The following SPTB variants were observed in gnomAD, a reference collection of about 807,000 sequenced individuals.
SPTB encodes the protein spectrin beta chain, erythrocytic.
Under a neutral mutation model 256.2 loss-of-function variants are expected in SPTB, and 45 were observed. That is an observed-to-expected ratio of 0.18 (90% CI 0.14 to 0.23). The LOEUF is 0.23. Among genes scored for constraint, SPTB ranks in the 10% least tolerant of loss-of-function variants. The pLI is 1.00. For missense variants in SPTB, 2,715 were observed against 3,040.4 expected, an observed-to-expected ratio of 0.89 and a Z score of 2.52; for synonymous variants, 1,231 against 1,243.1, an observed-to-expected ratio of 0.99 and a Z score of 0.21.
chr14:64,848,085 C>T (rs1174490902), intron 1 of SPTB, among the ~76,000 whole-genome samples: 1 of 152,178 alleles, frequency 6.6e-6, no homozygotes, highest in Non-Finnish European at 1.5e-5. Flanking sequence ...ACCATCTTCA[C>T]ATTTAGAAGT....
At chr14:64,765,424 C>G (rs1824767357) in intron 32 of SPTB, among the ~76,000 whole-genome samples, 1 of 152,114 alleles carries the variant, frequency 6.6e-6, no homozygotes. Context: ...TGCACAGACC[C>G]CATGGAGTCC....
chr14:64,811,925 C>CAA (rs2083097139), intron 2 of SPTB, among the ~76,000 whole-genome samples: 1 of 152,116 alleles, frequency 6.6e-6, no homozygotes, highest in Admixed American at 6.5e-5. Context: ...TGGCAAGACC[C>CAA]ATCAGAATTA....
In SPTB at chr14:64,753,605, A is replaced by G. The variant is rs768060224; in HGVS notation, c.6534T>C (p.Ser2178=). 3 of 1,613,162 alleles carry G rather than the reference A, an allele frequency of 1.9e-6. No individual in the cohort carries two copies. The highest frequency in any genetic ancestry group is 2.5e-6 in the Non-Finnish European group (3 of 1,179,902). The part of the protein sequence containing the change: ...TLPAPRDHGQ[S]VQMEGYLGRK... ...GGCCCAGGTAGCCTTCCATCTGCAC[A>G]CTCTGCCCATGGTCCCGCGGGGCCG... Residue 2178 remains serine, a synonymous_variant, in exon 33 of 36, where the codon AGT becomes AGC. Coordinates refer to ENST00000644917, the MANE Select transcript of SPTB (RefSeq NM_001355436.2).
chr14:64,870,723 G>A (rs1049822378), intron 1 of SPTB, among the ~76,000 whole-genome samples: 4 of 152,200 alleles, frequency 2.6e-5, no homozygotes, highest in Admixed American at 6.5e-5. Context: ...TTGCATGGAC[G>A]GGTTCCTTAA....
In SPTB at chr14:64,772,652, G is replaced by A. The variant is rs752281367; in HGVS notation, c.5481C>T (p.Asp1827=). The change falls in exon 26 of 36, where the codon GAC becomes GAT. Residue 1827 remains aspartate, a synonymous_variant. Transcript: ENST00000644917. The surrounding 1 kb of genome is among the most constrained non-coding windows in gnomAD (Gnocchi z 5.4). ...HRELPEDVGL[D]ASTAESFHRV... Reference sequence around the variant, plus strand: ...GGTGGAAGGACTCGGCCGTGCTGGCGTCCAGCCCCACGTCCTCGGGCAGCT... The same window carrying A: ...GGTGGAAGGACTCGGCCGTGCTGGCATCCAGCCCCACGTCCTCGGGCAGCT... The A allele has an allele frequency of 9.9e-6, 16 of 1,613,180 alleles. No homozygotes were observed. The highest frequency in any genetic ancestry group is 1.6e-4 in the Middle Eastern group (1 of 6,080).
intron 2 of SPTB, among the ~76,000 whole-genome samples, chr14:64,809,262 C>CAAAAAA (rs57245539): frequency 1.6e-4 from 15 of 91,058 alleles, no homozygotes; most frequent in African/African-American, 5.3e-4. Context: ...AACTTTGTAT[C>CAAAAAA]AAAAAAAAAA....
In SPTB at chr14:64,824,311, G is replaced by T. The variant is rs1191672864; in HGVS notation, c.-51-1166C>A. Among the ~76,000 whole-genome samples, 1 of 152,142 alleles carries T rather than the reference G, an allele frequency of 6.6e-6. No homozygotes were observed. Among genetic ancestry groups the T allele is most frequent in the African/African-American group, 2.4e-5 (1 of 41,428 alleles). On this transcript the variant is annotated intron_variant, in intron 1 of 35. Transcript: ENST00000644917. The surrounding 1 kb of genome is among the most constrained non-coding windows in gnomAD (Gnocchi z 5.7). Reference sequence around the variant, plus strand: ...AGAGTCCAAGCAAAGGGAATAAAGAGTAGGTGTAAAGTCCTGAAGGTAAGA... The same window carrying T: ...AGAGTCCAAGCAAAGGGAATAAAGATTAGGTGTAAAGTCCTGAAGGTAAGA...
chr14:64,747,203 G>C lies in SPTB; in HGVS notation c.*2103C>G, dbSNP rs2081859812. The C allele has an allele frequency of 6.6e-6, 1 of 152,490 alleles. No homozygotes were observed. Among genetic ancestry groups the C allele is most frequent in the South Asian group, 2.1e-4 (1 of 4,836 alleles). The allele number at this position is 152,490 out of a possible 1,614,324, so 9.4% of individuals were successfully genotyped here. ...GGTGCTGATTTGGCACACGTGGAAG[G>C]GGGAGGGTGGGCCCTTGTCCCTAGG... On this transcript the variant is annotated 3_prime_UTR_variant, in exon 36 of 36. Transcript: ENST00000644917.
Position 64,772,624 on chromosome 14 carries a change from C to T in SPTB, c.5509G>A (p.Val1837Met), listed in dbSNP as rs1327485592. 2.5e-6 allele frequency: 4 copies of T among 1,612,342 alleles called. No individual in the cohort carries two copies. In the African/African-American group the frequency reaches 5.3e-5, roughly 22 times the overall value. The change falls in exon 26 of 36, where the codon GTG (valine) becomes ATG (methionine). Residue 1837 changes from valine (V) to methionine (M), a missense_variant. Physicochemically the swap from Val to Met is conservative, Grantham distance 21. Coordinates refer to ENST00000644917, the MANE Select transcript of SPTB (RefSeq NM_001355436.2). The surrounding 1 kb of genome is among the most constrained non-coding windows in gnomAD (Gnocchi z 5.4). ...DASTAESFHR[V>M]HTAFERELHL... is the part of the protein sequence containing the mutation. Reference sequence around the variant, plus strand: ...AGCTCCCGCTCGAAGGCTGTGTGCACCCGGTGGAAGGACTCGGCCGTGCTG... The same window carrying T: ...AGCTCCCGCTCGAAGGCTGTGTGCATCCGGTGGAAGGACTCGGCCGTGCTG...
At chr14:64,765,173 A>G (rs1004636173) in intron 32 of SPTB, among the ~76,000 whole-genome samples, 1 of 151,984 alleles carries the variant, frequency 6.6e-6, no homozygotes, top group Admixed American at 6.5e-5. Context: ...TGTACCAGAA[A>G]CTTCCATGTG....
At position 64,790,351 on chromosome 14, in the gene SPTB, G is replaced by A. The variant is rs2082648971; in HGVS notation, c.2804+1368C>T. Among the ~76,000 whole-genome samples the A allele has an allele frequency of 6.6e-6, 1 of 152,144 alleles. No homozygotes were observed. The highest frequency in any genetic ancestry group is 1.5e-5 in the Non-Finnish European group (1 of 68,032). On this transcript the variant is annotated intron_variant, in intron 15 of 35. Transcript: ENST00000644917. This position sits in a 1 kb window ranked among gnomAD's most constrained non-coding sequence, Gnocchi z 4.8. ...TGAGCTGATGAGTTCTTCCTCTCAGGAAGTTTCTCTGGTTTAGACCTGCTC... is the reference window on the plus strand; with the variant it reads ...TGAGCTGATGAGTTCTTCCTCTCAGAAAGTTTCTCTGGTTTAGACCTGCTC...
At chr14:64,769,804 C>A in intron 27 of SPTB, 76 bp from the exon 28 acceptor site, 1 of 1,591,702 alleles carries the variant, frequency 6.3e-7, no homozygotes, top group East Asian at 2.2e-5. Context: ...ACCAGAGGGG[C>A]CCACCTCCCC....
At chr14:64,876,056 C>T (rs1011171712) in intron 1 of SPTB, among the ~76,000 whole-genome samples, 1 of 152,142 alleles carries the variant, frequency 6.6e-6, no homozygotes, top group Non-Finnish European at 1.5e-5. Context: ...TCTCTAACTC[C>T]CTGGCTCAAG....
chr14:64,815,925 T>C (rs977376499), intron 2 of SPTB, among the ~76,000 whole-genome samples: 4 of 152,138 alleles, frequency 2.6e-5, no homozygotes, highest in Non-Finnish European at 5.9e-5. Flanking sequence ...CCCCTAACGA[T>C]AGCGGCAGGA....
rs747335265 is a variant in SPTB, at chr14:64,786,610, G to T, written c.3355C>A (p.Arg1119Ser). 6.2e-7 allele frequency: 1 copy of T among 1,614,026 alleles called. No homozygotes were observed. Among genetic ancestry groups the T allele is most frequent in the African/African-American group, 1.3e-5 (1 of 74,896 alleles). ...ACTTTCTCCCCAGACTCCTTAACAC[G>T]CTGGTAGCTGTCTTGGTGCCCGTCA... is the stretch of plus-strand genomic sequence containing the variant. ...EIDGHQDSYQ[R>S]VKESGEKVIQ... The change falls in exon 16 of 36, where the codon CGT becomes AGT. Residue 1119 changes from arginine (R) to serine (S), a missense_variant. Arg to Ser is a moderately radical substitution (Grantham distance 110). Coordinates refer to ENST00000644917, the MANE Select transcript of SPTB (RefSeq NM_001355436.2). The surrounding 1 kb of genome is among the most constrained non-coding windows in gnomAD (Gnocchi z 5.6).
chr14:64,768,490 AG>A (rs1302551026), intron 29 of SPTB, among the ~76,000 whole-genome samples: 3 of 276 alleles, frequency 0.011, no homozygotes, highest in African/African-American at 0.047. Context: ...ATGAGTGGCC[AG>A]GGGCACCAGT....
At chr14:64,791,044 C>T (rs2082660769) in intron 15 of SPTB, among the ~76,000 whole-genome samples, 1 of 152,198 alleles carries the variant, frequency 6.6e-6, no homozygotes, top group Non-Finnish European at 1.5e-5. Flanking sequence ...ATTTTCTCTG[C>T]CCAAGAATGT....
chr14:64,749,317 T>TG lies in SPTB; in HGVS notation c.6975dup (p.Lys2326GlnfsTer38). 1.2e-6 allele frequency: 2 copies of TG among 1,604,898 alleles called. No homozygotes were observed. The highest frequency in any genetic ancestry group is 1.7e-6 in the Non-Finnish European group (2 of 1,177,232). On this transcript the variant is annotated frameshift_variant, in exon 36 of 36. Transcript: ENST00000644917. LOFTEE classifies it high-confidence loss of function. The surrounding 1 kb of genome is among the most constrained non-coding windows in gnomAD (Gnocchi z 4.7). ...GCCAGCCCCACCTGCTACTTCTTTTTGGGGAAGAAGCTGAATCTCTTCTCC... is the reference window on the plus strand; with the variant it reads ...GCCAGCCCCACCTGCTACTTCTTTTTGGGGGAAGAAGCTGAATCTCTTCTCC...
chr14:64,772,753 C>T lies in SPTB; in HGVS notation c.5380G>A (p.Ala1794Thr). The T allele has an allele frequency of 2.5e-6, 4 of 1,613,938 alleles. No homozygotes were observed. The highest frequency in any genetic ancestry group is 2.2e-5 in the South Asian group (2 of 91,082). ...TAGCGGTGCAGGTCATAGGAGGCGGCCAGCAGCTGCATGCGCGTGTCAATG... is the reference window on the plus strand; with the variant it reads ...TAGCGGTGCAGGTCATAGGAGGCGGTCAGCAGCTGCATGCGCGTGTCAATG... ...ELIDTRMQLL[A>T]ASYDLHRYFY... is the part of the protein sequence containing the mutation. Residue 1794 changes from alanine to threonine, a missense_variant, in exon 26 of 36, where the codon GCC becomes ACC. By Grantham distance (58) the Ala-to-Thr change is moderately conservative. Transcript: ENST00000644917. This position sits in a 1 kb window ranked among gnomAD's most constrained non-coding sequence, Gnocchi z 5.4.
Sources: gnomAD v4.1 joint callset for allele counts (sites outside exome capture counted in the v4.1 genomes callset) on GRCh38, gnomAD v4.1.1 for gene constraint, Gnocchi (gnomAD v3.1) non-coding constraint, MANE v1.5 for transcripts, NCBI Gene and HGNC (gene_info 2026-07-23, HGNC 2026-07-21) for gene names.